Variants in GRIA1 observed in about 807,000 individuals in gnomAD.
The protein encoded by GRIA1 is glutamate ionotropic receptor AMPA type subunit 1.
A neutral mutation model predicts 99.2 loss-of-function variants in GRIA1; 31 were observed. The observed-to-expected ratio is 0.31, with a 90% CI of 0.23 to 0.42. The LOEUF is 0.42. Ranked by LOEUF, GRIA1 falls within the 10% of genes least tolerant of loss-of-function variation. The pLI, the probability that GRIA1 is intolerant of heterozygous loss-of-function variation, is 1.00. For synonymous variants in GRIA1, 438 were observed against 432.4 expected, an observed-to-expected ratio of 1.01 and a Z score of -0.16; for missense variants, 782 against 1,157.5, an observed-to-expected ratio of 0.68 and a Z score of 4.71.
chr5:153,693,335 G>A (rs894486063), intron 8 of GRIA1, among the ~76,000 whole-genome samples: 3 of 151,948 alleles, frequency 2.0e-5, no homozygotes, highest in African/African-American at 4.8e-5. Context: ...TGCTGGCCAG[G>A]TAGCCACTCT....
chr5:153,748,412 A>G (rs988637572), intron 11 of GRIA1, among the ~76,000 whole-genome samples: 80 of 152,334 alleles, frequency 5.3e-4, no homozygotes, highest in African/African-American at 1.8e-3. Context: ...TGGCTGGAAC[A>G]TAGCATGGAG....
chr5:153,701,464 A>G (rs1201049018), intron 10 of GRIA1, among the ~76,000 whole-genome samples: 1 of 151,692 alleles, frequency 6.6e-6, no homozygotes, highest in African/African-American at 2.4e-5. Flanking sequence ...AATACAAAAA[A>G]TTAGCCGGGC....
intron 2 of GRIA1, among the ~76,000 whole-genome samples, chr5:153,578,405 G>T (rs1277145377): frequency 6.6e-6 from 1 of 152,176 alleles, no homozygotes; most frequent in Non-Finnish European, 1.5e-5. Context: ...TTTGTGCAAT[G>T]ATTTGAAAAA....
intron 13 of GRIA1, among the ~76,000 whole-genome samples, chr5:153,792,201 T>G (rs957239351): frequency 2.6e-5 from 4 of 152,220 alleles, no homozygotes; most frequent in African/African-American, 9.6e-5. Flanking sequence ...GACCTGATTG[T>G]GAGATCATGA....
At chr5:153,612,232 G>A (rs1439237412) in intron 2 of GRIA1, among the ~76,000 whole-genome samples, 2 of 152,234 alleles carry the variant, frequency 1.3e-5, no homozygotes, top group East Asian at 1.9e-4. Flanking sequence ...GTGCTGAGAA[G>A]GGATAAGGAG....
At position 153,703,393 on chromosome 5, in the gene GRIA1, C is replaced by T. The variant is rs541097966; in HGVS notation, c.1453-2304C>T. On this transcript the variant is annotated intron_variant, in intron 10 of 15. Coordinates refer to ENST00000285900, the MANE Select transcript of GRIA1 (RefSeq NM_000827.4). ...ATTTTCATGTTATTAACCATCCTTC[C>T]AGAAATAATGTTCTATTGAACAAAT... is the stretch of plus-strand genomic sequence containing the variant. Among the ~76,000 whole-genome samples the T allele has an allele frequency of 9.9e-5, 15 of 152,254 alleles. No homozygotes were observed. In the South Asian group the frequency reaches 2.5e-3, roughly 25 times the overall value.
At chr5:153,633,980 G>A (rs1753162496) in intron 2 of GRIA1, among the ~76,000 whole-genome samples, 1 of 152,108 alleles carries the variant, frequency 6.6e-6, no homozygotes, top group Non-Finnish European at 1.5e-5. Flanking sequence ...ATTAAAGATA[G>A]AGATAAGGTA....
rs751038792 is a variant in GRIA1 at position 153,794,706 on chromosome 5, G to C, written c.2356G>C (p.Glu786Gln). The change falls in exon 14 of 16, where the codon GAG (glutamate) becomes CAG (glutamine). Residue 786 changes from glutamate (E) to glutamine (Q), a missense_variant. Physicochemically the swap from Glu to Gln is conservative, Grantham distance 29. Coordinates refer to ENST00000285900, the MANE Select transcript of GRIA1 (RefSeq NM_000827.4). ...AAACAAATGGTGGTACGACAAGGGC[G>C]AGTGCGGCAGCGGGGGAGGTGATTC... ...LKNKWWYDKGECGSGGGDSKD... is the reference protein window; with the variant it reads ...LKNKWWYDKGQCGSGGGDSKD... 1 of 1,613,260 alleles carries C rather than the reference G, an allele frequency of 6.2e-7. No individual in the cohort carries two copies. The highest frequency in any genetic ancestry group is 8.5e-7 in the Non-Finnish European group (1 of 1,179,450).
intron 2 of GRIA1, among the ~76,000 whole-genome samples, chr5:153,578,713 C>G (rs140897212): frequency 0.013 from 1,946 of 152,232 alleles, 29 homozygotes; most frequent in African/African-American, 0.039. Flanking sequence ...TCGAGACCAG[C>G]CTGGCCAGCA....
chr5:153,771,641 G>A (rs1260471069), intron 13 of GRIA1, among the ~76,000 whole-genome samples: 1 of 152,178 alleles, frequency 6.6e-6, no homozygotes, highest in Non-Finnish European at 1.5e-5. Flanking sequence ...TTCCTGCAAT[G>A]TAGCAGAACA....
At chr5:153,689,870 A>T (rs1292029832) in intron 8 of GRIA1, among the ~76,000 whole-genome samples, 2 of 152,182 alleles carry the variant, frequency 1.3e-5, no homozygotes, top group Non-Finnish European at 2.9e-5. Context: ...TTTGGTATGA[A>T]ATTCCCCAGT....
At chr5:153,668,395 T>C (rs1422925713) in intron 5 of GRIA1, among the ~76,000 whole-genome samples, 1 of 152,214 alleles carries the variant, frequency 6.6e-6, no homozygotes, top group Non-Finnish European at 1.5e-5. Flanking sequence ...AATGATTTTT[T>C]ACATTTTTTA....
At chr5:153,745,991 T>C (rs1762132238) in intron 11 of GRIA1, among the ~76,000 whole-genome samples, 1 of 152,238 alleles carries the variant, frequency 6.6e-6, no homozygotes, top group African/African-American at 2.4e-5. Flanking sequence ...AGGTTGTTCC[T>C]GTTCTTATCC....
chr5:153,577,309 A>G (rs927482396), intron 2 of GRIA1, among the ~76,000 whole-genome samples: 1 of 152,202 alleles, frequency 6.6e-6, no homozygotes, highest in African/African-American at 2.4e-5. Flanking sequence ...ATCCCAAGGC[A>G]CAGAAAGCAG....
At chr5:153,777,781 T>C (rs536440059) in intron 13 of GRIA1, among the ~76,000 whole-genome samples, 2 of 152,238 alleles carry the variant, frequency 1.3e-5, no homozygotes, top group Non-Finnish European at 2.9e-5. Flanking sequence ...AATAAAGCCC[T>C]AATATTTCTT....
At chr5:153,754,066 A>G (rs1043840093) in intron 11 of GRIA1, among the ~76,000 whole-genome samples, 3 of 152,196 alleles carry the variant, frequency 2.0e-5, no homozygotes, top group Non-Finnish European at 4.4e-5. Context: ...AGGAAGACAG[A>G]GGCCCAGCTA....
At chr5:153,649,448 G>T (rs1052018456) in intron 3 of GRIA1, among the ~76,000 whole-genome samples, 89 of 99,982 alleles carry the variant, frequency 8.9e-4, no homozygotes, top group African/African-American at 2.8e-3. Flanking sequence ...TATTTAGTTA[G>T]TTAGTTAGTT....
intron 11 of GRIA1, among the ~76,000 whole-genome samples, chr5:153,748,878 A>T (rs1762328837): frequency 1.3e-5 from 2 of 152,206 alleles, no homozygotes; most frequent in South Asian, 4.1e-4. Context: ...CTAAGGTACC[A>T]AGTAGGCAGT....
Position 153,763,451 on chromosome 5 carries a change from G to A in GRIA1, c.1824-983G>A, listed in dbSNP as rs1763313078. On this transcript the variant is annotated intron_variant, in intron 11 of 15. Coordinates refer to ENST00000285900, the MANE Select transcript of GRIA1 (RefSeq NM_000827.4). ...AGGCTGTCAGAGCACTTGTCAGAACGGGCTTAAAGGTACAGGGGCTCCAGA... is the reference window on the plus strand; with the variant it reads ...AGGCTGTCAGAGCACTTGTCAGAACAGGCTTAAAGGTACAGGGGCTCCAGA... Among the ~76,000 whole-genome samples, 16 of 152,252 alleles carry A rather than the reference G, an allele frequency of 1.1e-4. No homozygotes were observed. The South Asian group carries it at 2.7e-3, about 26-fold the overall frequency.
Sources: gnomAD v4.1 joint callset for allele counts (sites outside exome capture counted in the v4.1 genomes callset) on GRCh38, gnomAD v4.1.1 for gene constraint, MANE v1.5 for transcripts, NCBI Gene and HGNC (gene_info 2026-07-23, HGNC 2026-07-21) for gene names.